MAPT: variants seen among roughly 807,000 people sequenced by gnomAD.
The protein encoded by MAPT is microtubule associated protein tau.
A neutral mutation model predicts 67.9 loss-of-function variants in MAPT; 34 were observed. The observed-to-expected ratio is 0.50, with a 90% CI of 0.38 to 0.67. The LOEUF is 0.67. Among genes scored for constraint, MAPT ranks in the 30% least tolerant of loss-of-function variants. The pLI is 0.00. For synonymous variants in MAPT, 456 were observed against 464.5 expected (o/e 0.98, Z 0.23); for missense variants, 881 against 1,115.2 (o/e 0.79, Z 2.99).
chr17:45,964,577 AAGAGGC>A (rs1400694029), intron 2 of MAPT, among the ~76,000 whole-genome samples: 2 of 151,388 alleles, frequency 1.3e-5, no homozygotes, highest in Admixed American at 1.3e-4. Flanking sequence ...CCAGCTACTC[AAGAGGC>A]AGAGGCAGGA....
At chr17:46,006,945 A>G (rs888543325) in intron 9 of MAPT, among the ~76,000 whole-genome samples, 17 of 145,084 alleles carry the variant, frequency 1.2e-4, no homozygotes, top group African/African-American at 3.6e-4. Context: ...ATAAAATAAA[A>G]TAAAATAATA....
In MAPT at chr17:46,013,449, C is replaced by T. The variant is rs568557476; in HGVS notation, c.2092-794C>T. ...TCAGGGTCATCATTCCCAGAGGGAGCGGTGCCCTGGAGGCCACAGGCCTCC... is the reference window on the plus strand; with the variant it reads ...TCAGGGTCATCATTCCCAGAGGGAGTGGTGCCCTGGAGGCCACAGGCCTCC... On this transcript the variant is annotated intron_variant, in intron 10 of 12. Coordinates refer to ENST00000262410, the MANE Select transcript of MAPT (RefSeq NM_001377265.1). Among the ~76,000 whole-genome samples, 17 of 152,346 alleles carry T rather than the reference C, an allele frequency of 1.1e-4. No individual in the cohort carries two copies. The East Asian group carries it at 2.5e-3, about 22-fold the overall frequency.
intron 1 of MAPT, among the ~76,000 whole-genome samples, chr17:45,923,451 T>C (rs1013976277): frequency 3.9e-5 from 6 of 152,206 alleles, no homozygotes; most frequent in African/African-American, 1.2e-4. Context: ...GGTCCGGCTG[T>C]CCCTGATTTA....
rs1555705809 is a variant in MAPT at position 45,982,861 on chromosome 17, A to C, written c.287-5A>C. On this transcript the variant is annotated splice_polypyrimidine_tract_variant and splice_region_variant and intron_variant, in intron 4 of 12. Coordinates refer to ENST00000262410, the MANE Select transcript of MAPT (RefSeq NM_001377265.1). ...CCTTTTGCTATCGCTGCCTCTTCAA[A>C]CCAGAGGAGTTGAGAGTTCCGGGCC... 1.5e-6 allele frequency: 2 copies of C among 1,304,994 alleles called. No homozygotes were observed. The highest frequency in any genetic ancestry group is 2.4e-5 in the South Asian group (1 of 41,888). 80.8% of individuals were successfully genotyped at this position (1,304,994 alleles called of 1,614,324 possible). A position where few individuals can be genotyped will look rare whatever the true frequency, so the allele number is the denominator to read the frequency against.
chr17:46,023,932 C>G, intron 12 of MAPT, 24 bp from the exon 13 acceptor site: 2 of 1,605,464 alleles, frequency 1.2e-6, no homozygotes, highest in Non-Finnish European at 8.5e-7. Flanking sequence ...TCATCTCACC[C>G]TCCCTCCCTT....
chr17:45,937,064 C>T (rs1167029195), intron 1 of MAPT, among the ~76,000 whole-genome samples: 3 of 152,186 alleles, frequency 2.0e-5, no homozygotes, highest in Non-Finnish European at 4.4e-5. Context: ...GATATGAGAG[C>T]TCGTCAGTTA....
At chr17:45,948,284 T>C (rs113395365) in intron 1 of MAPT, among the ~76,000 whole-genome samples, 21,813 of 152,072 alleles carry the variant, frequency 0.14, 2,138 homozygotes, top group Non-Finnish European at 0.22. Flanking sequence ...GGGATTAAGG[T>C]ATGAGCCACC....
chr17:45,935,518 C>T (rs1416386905), intron 1 of MAPT, among the ~76,000 whole-genome samples: 1 of 152,160 alleles, frequency 6.6e-6, no homozygotes, highest in East Asian at 1.9e-4. Flanking sequence ...AGCTCCACCA[C>T]CATCACCAGA....
Position 45,971,772 on chromosome 17 carries a change from A to G in MAPT, c.134-87A>G, listed in dbSNP as rs570071071. The G allele has an allele frequency of 5.6e-5, 54 of 972,962 alleles. No homozygotes were observed. Among genetic ancestry groups the G allele is most frequent in the Non-Finnish European group, 8.0e-5 (48 of 602,470 alleles). The allele number at this position is 972,962 out of a possible 1,614,324, so 60.3% of individuals were successfully genotyped here. A position where few individuals can be genotyped will look rare whatever the true frequency, so the allele number is the denominator to read the frequency against. On this transcript the variant is annotated intron_variant, in intron 2 of 12. Transcript: ENST00000262410. This position sits in a 1 kb window ranked among gnomAD's most constrained non-coding sequence, Gnocchi z 4.3. ...CACAGGGAGCGATTTTCAGCTCCAC[A>G]GGACACTGCTCCCCAGTTCCTCCTG...
At chr17:45,911,442 C>T (rs1283484021) in intron 1 of MAPT, among the ~76,000 whole-genome samples, 2 of 152,078 alleles carry the variant, frequency 1.3e-5, no homozygotes, top group Non-Finnish European at 2.9e-5. Flanking sequence ...CTAGCCTGGG[C>T]GATATAGCGA....
At chr17:45,956,914 A>G (rs1245416864) in intron 1 of MAPT, among the ~76,000 whole-genome samples, 1 of 151,822 alleles carries the variant, frequency 6.6e-6, no homozygotes, top group Non-Finnish European at 1.5e-5. Flanking sequence ...ATGTCCCTAC[A>G]AAGGACATGA....
At chr17:45,950,424 T>A (rs2068946327) in intron 1 of MAPT, among the ~76,000 whole-genome samples, 1 of 151,996 alleles carries the variant, frequency 6.6e-6, no homozygotes, top group African/African-American at 2.4e-5. Context: ...GGACCCAGGG[T>A]CTCACCTGCA....
At chr17:45,955,797 G>A (rs1190023786) in intron 1 of MAPT, among the ~76,000 whole-genome samples, 1 of 151,754 alleles carries the variant, frequency 6.6e-6, no homozygotes, top group Non-Finnish European at 1.5e-5. Flanking sequence ...GTGCAGTGGT[G>A]CAATCTCAGC....
chr17:45,927,471 C>A (rs1343244061), intron 1 of MAPT, among the ~76,000 whole-genome samples: 5 of 152,116 alleles, frequency 3.3e-5, no homozygotes, highest in Non-Finnish European at 7.4e-5. Context: ...ACCTCTCTGG[C>A]AGCAATCTTG....
At chr17:45,936,653 A>T (rs551504229) in intron 1 of MAPT, among the ~76,000 whole-genome samples, 1 of 152,192 alleles carries the variant, frequency 6.6e-6, no homozygotes, top group South Asian at 2.1e-4. Context: ...ATTTTGATTT[A>T]AAGTGATCTT....
At chr17:46,021,547 T>A (rs2076531544) in intron 12 of MAPT, among the ~76,000 whole-genome samples, 1 of 152,192 alleles carries the variant, frequency 6.6e-6, no homozygotes. Flanking sequence ...CTCTGGAAGC[T>A]TCTCTGTGTT....
chr17:45,971,842 C>T lies in MAPT; in HGVS notation c.134-17C>T. ...GGGAGAGGCCACCGTTCTGAGGGCT[C>T]ACTGTATGTGTTCCAGAATCTCCCC... On this transcript the variant is annotated splice_polypyrimidine_tract_variant and intron_variant, in intron 2 of 12. Transcript: ENST00000262410. The surrounding 1 kb of genome is among the most constrained non-coding windows in gnomAD (Gnocchi z 4.3). 6.3e-7 allele frequency: 1 copy of T among 1,585,932 alleles called. No homozygotes were observed. The highest frequency in any genetic ancestry group is 1.3e-5 in the African/African-American group (1 of 74,480).
chr17:46,010,479 G>A lies in MAPT; in HGVS notation c.2091+77G>A, dbSNP rs140777094. 1.2e-3 allele frequency: 1,203 copies of A among 996,210 alleles called. 9 individuals carry two copies. Among genetic ancestry groups the A allele is most frequent in the South Asian group, 6.9e-3 (504 of 73,060 alleles). 61.7% of individuals were successfully genotyped at this position (996,210 alleles called of 1,614,324 possible). ...AAGTGGTGTGAGTGCGTACACTTGC[G>A]AGACACTGCATAGAATAAATCCTTC... On this transcript the variant is annotated intron_variant, in intron 10 of 12. Transcript: ENST00000262410. The surrounding 1 kb of genome is among the most constrained non-coding windows in gnomAD (Gnocchi z 4.7).
At chr17:45,931,558 A>G (rs1428808195) in intron 1 of MAPT, among the ~76,000 whole-genome samples, 1 of 152,258 alleles carries the variant, frequency 6.6e-6, no homozygotes, top group Non-Finnish European at 1.5e-5. Flanking sequence ...AGACGTCTGC[A>G]GAAGTTGCCC....
Sources: allele counts gnomAD v4.1 joint callset (sites outside exome capture counted in the v4.1 genomes callset), GRCh38; gene constraint gnomAD v4.1.1; non-coding constraint Gnocchi (gnomAD v3.1); transcripts MANE v1.5; gene names NCBI Gene and HGNC (gene_info 2026-07-23, HGNC 2026-07-21).